The following JMJD7 variants were observed in gnomAD, a reference collection of about 807,000 sequenced individuals.
JMJD7 encodes bifunctional peptidase and (3S)-lysyl hydroxylase JMJD7.
In JMJD7, 41 loss-of-function variants were observed where a neutral mutation model predicts 41.1. The observed-to-expected ratio is 1.00, with a 90% CI of 0.78 to 1.30. JMJD7 has a LOEUF of 1.30. Ranked by LOEUF, JMJD7 falls within the 50% of genes most tolerant of loss-of-function variation. The probability of loss-of-function intolerance (pLI) is 0.00; values close to 1 mark genes in which losing one functional copy is unlikely to be tolerated. For missense variants in JMJD7, 480 were observed against 420.7 expected (o/e 1.14, Z -1.23); for synonymous variants, 202 against 177.2 (o/e 1.14, Z -1.11).
At chr15:41,833,734 A>T (rs2065268470) in intron 1 of JMJD7, among the ~76,000 whole-genome samples, 1 of 152,026 alleles carries the variant, frequency 6.6e-6, no homozygotes, top group African/African-American at 2.4e-5. Flanking sequence ...AATATATAGC[A>T]TGTCAGATGG....
At chr15:41,828,989 C>T (rs1348568299) in intron 1 of JMJD7, 4 of 152,246 alleles carry the variant, frequency 2.6e-5, no homozygotes, top group African/African-American at 9.7e-5. Flanking sequence ...AATAATGCTG[C>T]AACGAATACT....
At chr15:41,829,232 C>G (rs1263476223) in intron 1 of JMJD7, 1 of 152,192 alleles carries the variant, frequency 6.6e-6, no homozygotes, top group African/African-American at 2.4e-5. Context: ...GGGAGTATGC[C>G]TGATGTGTTT....
rs768420679 is a variant in JMJD7, at chr15:41,836,218, C to T, written c.600C>T (p.Pro200=). 3.7e-6 allele frequency: 6 copies of T among 1,613,070 alleles called. No homozygotes were observed. The highest frequency in any genetic ancestry group is 5.1e-6 in the Non-Finnish European group (6 of 1,179,510). ...SGEKHFLFHP[P]SDRPFIPYEL... is the part of the protein sequence containing the mutation. ...AGAAGCATTTCCTGTTCCATCCGCC[C>T]AGCGACCGGCCCTTCATCCCCTATG... is the stretch of plus-strand genomic sequence containing the variant. The change falls in exon 5 of 8, where the codon CCC becomes CCT. Residue 200 remains proline (P), a synonymous_variant. Coordinates refer to ENST00000397299, the MANE Select transcript of JMJD7 (RefSeq NM_001114632.2).
At chr15:41,833,410 A>ATT (rs1465192714) in intron 1 of JMJD7, among the ~76,000 whole-genome samples, 13 of 39,730 alleles carry the variant, frequency 3.3e-4, no homozygotes, top group African/African-American at 6.5e-4. Flanking sequence ...ATATATATAT[A>ATT]TATATTTTTT....
Position 41,835,184 on chromosome 15 carries a change from G to C in JMJD7, c.433G>C (p.Asp145His). 2 of 1,602,232 alleles carry C rather than the reference G, an allele frequency of 1.2e-6. No homozygotes were observed. The highest frequency in any genetic ancestry group is 1.3e-5 in the African/African-American group (1 of 75,044). Residue 145 changes from aspartate (D) to histidine (H), a missense_variant, in exon 3 of 8, where the codon GAT (aspartate) becomes CAT (histidine). Asp to His is a moderately conservative substitution (Grantham distance 81). Transcript: ENST00000397299. Reference sequence around the variant, plus strand: ...CAGCGAGCTGCCCCAGCTGCTGCCTGATCTGGAATCCCATGTGCCCTGGGC... The same window carrying C: ...CAGCGAGCTGCCCCAGCTGCTGCCTCATCTGGAATCCCATGTGCCCTGGGC... ...LPSELPQLLP[D>H]LESHVPWASE...
In JMJD7 at chr15:41,836,910, C is replaced by G; in HGVS notation, c.832C>G (p.His278Asp). Residue 278 changes from histidine (H) to aspartate (D), a missense_variant, in exon 7 of 8, where the codon CAC becomes GAC. By Grantham distance (81) the His-to-Asp change is moderately conservative. Transcript: ENST00000397299. Reference protein sequence around the residue: ...MLYLPALWFHHVQQSQGCIAV... With the variant: ...MLYLPALWFHDVQQSQGCIAV... ...CTATCTGCCGGCTCTGTGGTTCCAC[C>G]ACGTCCAGCAGTCCCAGGGCTGCAT... is the stretch of plus-strand genomic sequence containing the variant. The G allele has an allele frequency of 3.1e-6, 5 of 1,613,492 alleles. No homozygotes were observed. The highest frequency in any genetic ancestry group is 2.2e-5 in the East Asian group (1 of 44,858).
rs577089668 is a variant in JMJD7 at position 41,830,214 on chromosome 15, A to G, written c.64+2026A>G. On this transcript the variant is annotated intron_variant, in intron 1 of 7. Transcript: ENST00000397299. The stretch of plus-strand genomic sequence containing the variant: ...CCCTGCCACATCCCAGAAGCCTGCG[A>G]GCACCCTGCCAAAGGTGCAACTGGG... Among the ~76,000 whole-genome samples, 66 of 152,304 alleles carry G rather than the reference A, an allele frequency of 4.3e-4. 2 individuals carry two copies. The South Asian group carries it at 0.014, about 32-fold the overall frequency.
At chr15:41,828,474 AAAGCTCATCG>A (rs2065175022) in intron 1 of JMJD7, 2 of 337,748 alleles carry the variant, frequency 5.9e-6, no homozygotes, top group Non-Finnish European at 1.1e-5. Context: ...ACCCTTGTTG[AAAGCTCATCG>A]AAGGCACACA....
chr15:41,829,004 G>A (rs1162940407), intron 1 of JMJD7: 2 of 152,206 alleles, frequency 1.3e-5, no homozygotes, highest in Admixed American at 6.5e-5. Flanking sequence ...AATACTTTGA[G>A]GATTGATTTA....
rs1438262460 is a variant in JMJD7, at chr15:41,837,251, GC to G, written c.*96del. On this transcript the variant is annotated 3_prime_UTR_variant, in exon 8 of 8. Coordinates refer to ENST00000397299, the MANE Select transcript of JMJD7 (RefSeq NM_001114632.2). Reference sequence around the variant, plus strand: ...TCTCGAGAGAGCCTGGAGTGTGCATGCTGGCTGCTGGCCCCGGGTCCAGCAT... The same window carrying G: ...TCTCGAGAGAGCCTGGAGTGTGCATGTGGCTGCTGGCCCCGGGTCCAGCAT... 3.1e-5 allele frequency: 25 copies of G among 798,948 alleles called. No homozygotes were observed. In the Admixed American group the frequency reaches 5.7e-4, roughly 18 times the overall value. The allele number at this position is 798,948 out of a possible 1,614,324, so 49.5% of individuals were successfully genotyped here.
intron 3 of JMJD7, 97 bp downstream of exon 3, chr15:41,835,320 G>T (rs2065295851): frequency 1.3e-6 from 2 of 1,483,438 alleles, no homozygotes; most frequent in South Asian, 1.3e-5. Context: ...TGGCCTATGG[G>T]CTTGGTCCTG....
chr15:41,831,433 G>T (rs995754515), intron 1 of JMJD7, among the ~76,000 whole-genome samples: 2 of 152,272 alleles, frequency 1.3e-5, no homozygotes, highest in African/African-American at 4.8e-5. Context: ...GAGAGATGCA[G>T]TGTGACCTCA....
Position 41,836,549 on chromosome 15 carries a change from A to G in JMJD7, c.700A>G (p.Lys234Glu), listed in dbSNP as rs757102257. Residue 234 changes from lysine (K) to glutamate (E), a missense_variant and splice_region_variant, in exon 6 of 8, where the codon AAG becomes GAG. Transcript: ENST00000397299. The stretch of plus-strand genomic sequence containing the variant: ...GGTGGTGGATGAAGAGGCCATGGAG[A>G]AGGTGTCTGTCCTGTTCTTGGGCTC... ...FKVVDEEAMEKVPWIPLDPLA... is the reference protein window; with the variant it reads ...FKVVDEEAMEEVPWIPLDPLA... The G allele has an allele frequency of 6.3e-7, 1 of 1,580,336 alleles. No homozygotes were observed. The highest frequency in any genetic ancestry group is 1.3e-5 in the African/African-American group (1 of 74,556).
At chr15:41,831,895 C>T (rs982338410) in intron 1 of JMJD7, among the ~76,000 whole-genome samples, 2 of 152,188 alleles carry the variant, frequency 1.3e-5, no homozygotes, top group African/African-American at 4.8e-5. Context: ...CTGAACCATG[C>T]GTCTTGCTCG....
At chr15:41,835,915 G>T in intron 4 of JMJD7, 1 of 578,090 alleles carries the variant, frequency 1.7e-6, no homozygotes, top group Non-Finnish European at 2.9e-6. Context: ...AAGTGTAGGA[G>T]AACTTCCCCT....
In JMJD7 at chr15:41,828,109, C is replaced by T. The variant is rs767782153; in HGVS notation, c.-16C>T. On this transcript the variant is annotated 5_prime_UTR_variant, in exon 1 of 8. Transcript: ENST00000397299. Reference sequence around the variant, plus strand: ...CGTCGGGGAAAGGCGGGGTCTCGGCCGGCGCTGACGCAGCCATGGCGGAGG... The same window carrying T: ...CGTCGGGGAAAGGCGGGGTCTCGGCTGGCGCTGACGCAGCCATGGCGGAGG... The T allele has an allele frequency of 2.8e-6, 4 of 1,437,280 alleles. No individual in the cohort carries two copies. The highest frequency in any genetic ancestry group is 3.0e-5 in the African/African-American group (2 of 66,830). 89.0% of individuals were successfully genotyped at this position (1,437,280 alleles called of 1,614,324 possible). A position where few individuals can be genotyped will look rare whatever the true frequency, so the allele number is the denominator to read the frequency against.
In JMJD7 at chr15:41,837,487, G is replaced by T; in HGVS notation, c.*331G>T. On this transcript the variant is annotated 3_prime_UTR_variant, in exon 8 of 8. Transcript: ENST00000397299. Reference sequence around the variant, plus strand: ...TGTCAGTAAAGAGATAATAATGGCTGTACCTCGCGGGGCTGTTGTGGGCTT... The same window carrying T: ...TGTCAGTAAAGAGATAATAATGGCTTTACCTCGCGGGGCTGTTGTGGGCTT... 8.3e-6 allele frequency: 3 copies of T among 362,836 alleles called. No homozygotes were observed. Among genetic ancestry groups the T allele is most frequent in the Non-Finnish European group, 1.5e-5 (3 of 199,330 alleles). The allele number at this position is 362,836 out of a possible 1,614,324, so 22.5% of individuals were successfully genotyped here. A position where few individuals can be genotyped will look rare whatever the true frequency, so the allele number is the denominator to read the frequency against.
In JMJD7 at chr15:41,836,827, A is replaced by G. The variant is rs1202776140; in HGVS notation, c.749A>G (p.Tyr250Cys). The change falls in exon 7 of 8, where the codon TAC becomes TGC. Residue 250 changes from tyrosine (Y) to cysteine (C), a missense_variant. Transcript: ENST00000397299. ...LDPLAPDLAR[Y>C]PSYSQAQALR... ...CCCTTGGCGCCAGACCTAGCACGGT[A>G]CCCTAGTTACAGTCAGGCCCAGGCC... 3 of 1,612,732 alleles carry G rather than the reference A, an allele frequency of 1.9e-6. No individual in the cohort carries two copies. The South Asian group carries it at 3.3e-5, about 18-fold the overall frequency.
chr15:41,832,881 G>A (rs911051557), intron 1 of JMJD7, among the ~76,000 whole-genome samples: 1 of 152,150 alleles, frequency 6.6e-6, no homozygotes, highest in Non-Finnish European at 1.5e-5. Context: ...GTAGCAAAGC[G>A]AAGCCCTGTA....
Sources: gnomAD v4.1 joint callset for allele counts (sites outside exome capture counted in the v4.1 genomes callset) on GRCh38, gnomAD v4.1.1 for gene constraint, MANE v1.5 for transcripts, NCBI Gene and HGNC (gene_info 2026-07-23, HGNC 2026-07-21) for gene names.